SLC2A1: variants seen among roughly 807,000 people sequenced by gnomAD.
SLC2A1 encodes the protein solute carrier family 2 member 1, also known as solute carrier family 2, facilitated glucose transporter member 1.
Under a neutral mutation model 46.6 loss-of-function variants are expected in SLC2A1, and 4 were observed. The ratio of observed to expected loss-of-function variants is 0.09; its 90% confidence interval spans 0.04 to 0.20. The LOEUF is 0.20. Among genes scored for constraint, SLC2A1 ranks in the 10% least tolerant of loss-of-function variants. The probability of loss-of-function intolerance (pLI) is 1.00; values close to 1 mark genes in which losing one functional copy is unlikely to be tolerated. For synonymous variants in SLC2A1, 253 were observed against 270.0 expected (o/e 0.94, Z 0.62); for missense variants, 352 against 667.0 (o/e 0.53, Z 5.20).
intron 1 of SLC2A1, among the ~76,000 whole-genome samples, chr1:42,955,747 T>A (rs1643765272): frequency 6.6e-6 from 1 of 152,098 alleles, no homozygotes. Context: ...TACAAGTTCT[T>A]CACGAAGGGT....
chr1:42,939,147 AG>A (rs528939043), intron 2 of SLC2A1, among the ~76,000 whole-genome samples: 90 of 152,388 alleles, frequency 5.9e-4, no homozygotes, highest in Non-Finnish European at 1.0e-3. Context: ...GCAGGCCTTC[AG>A]CCTACGCGGG....
chr1:42,931,180 T>C lies in SLC2A1; in HGVS notation c.141A>G (p.Thr47=), dbSNP rs150863093. 4 of 1,613,926 alleles carry C rather than the reference T, an allele frequency of 2.5e-6. No individual in the cohort carries two copies. In the African/African-American group the frequency reaches 4.0e-5, roughly 16 times the overall value. The change falls in exon 3 of 10, where the codon ACA becomes ACG. Residue 47 remains threonine, a synonymous_variant. Transcript: ENST00000426263. ...QKVIEEFYNQ[T]WVHRYGESIL... ...TGCTCTCCCCATAGCGGTGGACCCA[T>C]GTCTGGTTGTAGAACTCCTCGATCA...
At chr1:42,945,053 T>G (rs144734187) in intron 1 of SLC2A1, among the ~76,000 whole-genome samples, 1 of 152,288 alleles carries the variant, frequency 6.6e-6, no homozygotes, top group African/African-American at 2.4e-5. Context: ...GGGTGGACAC[T>G]AATTCAGAGG....
chr1:42,936,998 G>A (rs1392818103), intron 2 of SLC2A1, among the ~76,000 whole-genome samples: 1 of 152,100 alleles, frequency 6.6e-6, no homozygotes, highest in African/African-American at 2.4e-5. Context: ...GTATCTAGAG[G>A]GCAGAAGCCA....
At chr1:42,957,952 G>A (rs931254509) in intron 1 of SLC2A1, among the ~76,000 whole-genome samples, 2 of 152,176 alleles carry the variant, frequency 1.3e-5, no homozygotes, top group African/African-American at 2.4e-5. Flanking sequence ...TTTGGGGCCT[G>A]CACTCCTCGC....
At chr1:42,938,716 C>A (rs1643567232) in intron 2 of SLC2A1, among the ~76,000 whole-genome samples, 1 of 152,212 alleles carries the variant, frequency 6.6e-6, no homozygotes, top group Non-Finnish European at 1.5e-5. Flanking sequence ...ACATTTCACA[C>A]CCCTGCACCT....
At chr1:42,952,590 GC>G in intron 1 of SLC2A1, 1 of 316,782 alleles carries the variant, frequency 3.2e-6, no homozygotes, top group East Asian at 9.1e-5. Flanking sequence ...TGGAGGCAAG[GC>G]GAGCCCAGAG....
chr1:42,931,734 C>T (rs1643492089), intron 2 of SLC2A1, among the ~76,000 whole-genome samples: 1 of 147,782 alleles, frequency 6.8e-6, no homozygotes, highest in African/African-American at 2.5e-5. Flanking sequence ...GAGGCTAAGG[C>T]AGAATTGCTT....
intron 2 of SLC2A1, among the ~76,000 whole-genome samples, chr1:42,933,252 G>C (rs983504976): frequency 6.6e-6 from 1 of 152,052 alleles, no homozygotes; most frequent in African/African-American, 2.4e-5. Context: ...TCAAAATCGG[G>C]GCTCCTGCCA....
At chr1:42,942,112 G>A (rs1643604519) in intron 2 of SLC2A1, among the ~76,000 whole-genome samples, 1 of 152,232 alleles carries the variant, frequency 6.6e-6, no homozygotes, top group Non-Finnish European at 1.5e-5. Context: ...GACAAGAAAT[G>A]TGGTCCTGAC....
At position 42,930,429 on chromosome 1, in the gene SLC2A1, G is replaced by A. The variant is rs1294207584; in HGVS notation, c.516+197C>T. ...AGCCTAGAGTGAGAAGAAAGGGACTGAGAAGAGTCAAGTCATCTTGCTGTC... is the reference window on the plus strand; with the variant it reads ...AGCCTAGAGTGAGAAGAAAGGGACTAAGAAGAGTCAAGTCATCTTGCTGTC... On this transcript the variant is annotated intron_variant, in intron 4 of 9. Transcript: ENST00000426263. The surrounding 1 kb of genome is among the most constrained non-coding windows in gnomAD (Gnocchi z 6.2). 1 of 787,984 alleles carries A rather than the reference G, an allele frequency of 1.3e-6. No homozygotes were observed. Among genetic ancestry groups the A allele is most frequent in the Non-Finnish European group, 2.2e-6 (1 of 451,866 alleles). 48.8% of individuals were successfully genotyped at this position (787,984 alleles called of 1,614,324 possible).
chr1:42,951,499 G>T, intron 1 of SLC2A1: 1 of 203,000 alleles, frequency 4.9e-6, no homozygotes, highest in African/African-American at 2.3e-5. Flanking sequence ...AGAATGGGTT[G>T]CAAAGAACTA....
chr1:42,930,879 T>A lies in SLC2A1; in HGVS notation c.276-13A>T, dbSNP rs1286513445. ...CATTGAATTCCGCCTGGGGACGGGG[T>A]CACAGGTCAGGCCAGTGCCCACATT... On this transcript the variant is annotated splice_polypyrimidine_tract_variant and intron_variant, in intron 3 of 9. Transcript: ENST00000426263. The surrounding 1 kb of genome is among the most constrained non-coding windows in gnomAD (Gnocchi z 6.2). 6.2e-7 allele frequency: 1 copy of A among 1,601,018 alleles called. No homozygotes were observed. The highest frequency in any genetic ancestry group is 1.7e-5 in the Admixed American group (1 of 59,966).
Position 42,929,250 on chromosome 1 carries a change from A to G in SLC2A1, c.932T>C (p.Ile311Thr), listed in dbSNP as rs749844687. 6.2e-7 allele frequency: 1 copy of G among 1,614,158 alleles called. No individual in the cohort carries two copies. Among genetic ancestry groups the G allele is most frequent in the Non-Finnish European group, 8.5e-7 (1 of 1,180,002 alleles). ...GGCCGTGTTGACGATACCGGAGCCA[A>G]TGGTGGCATACACAGGCTGCTGCAC... Reference protein sequence around the residue: ...AGVQQPVYATIGSGIVNTAFT... With the variant: ...AGVQQPVYATTGSGIVNTAFT... Residue 311 changes from isoleucine (I) to threonine (T), a missense_variant, in exon 7 of 10, where the codon ATT becomes ACT. Around this residue, in one of 5 missense-constraint regions of SLC2A1, gnomAD observed 167 missense variants for 280.8 expected, o/e 0.59. Coordinates refer to ENST00000426263, the MANE Select transcript of SLC2A1 (RefSeq NM_006516.4). This position sits in a 1 kb window ranked among gnomAD's most constrained non-coding sequence, Gnocchi z 6.0.
intron 1 of SLC2A1, among the ~76,000 whole-genome samples, chr1:42,944,161 GT>G (rs2124462836): frequency 6.6e-6 from 1 of 152,288 alleles, no homozygotes; most frequent in East Asian, 1.9e-4. Context: ...GGGCTAAGGT[GT>G]TTCCAATGGG....
intron 1 of SLC2A1, 77 bp from the exon 2 acceptor site, chr1:42,943,398 T>G: frequency 9.3e-7 from 1 of 1,071,668 alleles, no homozygotes; most frequent in Non-Finnish European, 1.4e-6. Flanking sequence ...GACTGGCAAG[T>G]TTCTGTGTTC....
At chr1:42,949,097 G>A (rs60219240) in intron 1 of SLC2A1, among the ~76,000 whole-genome samples, 3,943 of 151,148 alleles carry the variant, frequency 0.026, 143 homozygotes, top group African/African-American at 0.085. Flanking sequence ...ACAAAAATTA[G>A]TGGGGTGTGG....
At chr1:42,931,845 A>G (rs1449723875) in intron 2 of SLC2A1, among the ~76,000 whole-genome samples, 3 of 150,874 alleles carry the variant, frequency 2.0e-5, no homozygotes, top group East Asian at 1.9e-4. Flanking sequence ...AAAAAAAAAA[A>G]AGAGAAATAC....
Position 42,929,145 on chromosome 1 carries a change from G to C in SLC2A1, c.972+65C>G. ...AAGTCACAGGGCACTGCAAAGACCA[G>C]TGGGGAAGATGGCACTGCCTCCTCC... On this transcript the variant is annotated intron_variant, in intron 7 of 9. Coordinates refer to ENST00000426263, the MANE Select transcript of SLC2A1 (RefSeq NM_006516.4). This position sits in a 1 kb window ranked among gnomAD's most constrained non-coding sequence, Gnocchi z 6.0. The C allele has an allele frequency of 6.4e-7, 1 of 1,551,352 alleles. No individual in the cohort carries two copies. Among genetic ancestry groups the C allele is most frequent in the Admixed American group, 1.7e-5 (1 of 59,760 alleles).
Sources: allele counts gnomAD v4.1 joint callset (sites outside exome capture counted in the v4.1 genomes callset), GRCh38; gene constraint gnomAD v4.1.1; regional missense constraint gnomAD v4.1.1; non-coding constraint Gnocchi (gnomAD v3.1); transcripts MANE v1.5; gene names NCBI Gene and HGNC (gene_info 2026-07-23, HGNC 2026-07-21).